Variants in GNAI1 observed in about 807,000 individuals in gnomAD.
GNAI1 encodes the protein G protein subunit alpha i1.
GNAI1 carries 11 observed loss-of-function variants against 38.9 expected under a neutral mutation model. The observed-to-expected ratio is 0.28, with a 90% CI of 0.18 to 0.47. GNAI1 has a LOEUF of 0.47. Among genes scored for constraint, GNAI1 ranks in the 20% least tolerant of loss-of-function variants. The probability of loss-of-function intolerance (pLI) is 0.99; values close to 1 mark genes in which losing one functional copy is unlikely to be tolerated. For synonymous variants in GNAI1, 166 were observed against 145.1 expected (o/e 1.14, Z -1.04); for missense variants, 317 against 436.9 (o/e 0.73, Z 2.45).
rs147129927 is a variant in GNAI1, at chr7:80,165,317, T to C, written c.119-23634T>C. Among the ~76,000 whole-genome samples, 666 of 152,300 alleles carry C rather than the reference T, an allele frequency of 4.4e-3. 5 individuals are homozygous for C. Among genetic ancestry groups the C allele is most frequent in the African/African-American group, 0.015 (628 of 41,566 alleles). On this transcript the variant is annotated intron_variant, in intron 1 of 7. Transcript: ENST00000649796. ...TCCTTTCTTGCTCAGTGACTTTGTC[T>C]TTTCACAGATCTCACTCCACAGCTA...
chr7:80,222,646 C>T lies in GNAI1; in HGVS notation c.*5153C>T, dbSNP rs1789100327. 1.3e-5 allele frequency among the ~76,000 whole-genome samples: 2 copies of T among 152,048 alleles called. No homozygotes were observed. Among genetic ancestry groups the T allele is most frequent in the Admixed American group, 1.3e-4 (2 of 15,274 alleles). On this transcript the variant is annotated 3_prime_UTR_variant, in exon 8 of 8. Transcript: ENST00000649796. ...AGGTAATCCGCCCACCTCGGCCGCC[C>T]AAAGTGCTGGGATTACAGGTGTGAG...
intron 1 of GNAI1, among the ~76,000 whole-genome samples, chr7:80,144,044 A>G (rs2116079797): frequency 6.6e-6 from 1 of 152,178 alleles, no homozygotes; most frequent in Admixed American, 6.6e-5. Context: ...AACTTCCTTG[A>G]GGGACTTGGA....
Position 80,199,235 on chromosome 7 carries a change from G to A in GNAI1, c.314G>A (p.Arg105His), listed in dbSNP as rs758691743. 1.2e-5 allele frequency: 19 copies of A among 1,609,024 alleles called. No individual in the cohort carries two copies. Among genetic ancestry groups the A allele is most frequent in the African/African-American group, 2.7e-5 (2 of 74,636 alleles). The change falls in exon 4 of 8, where the codon CGC becomes CAC. Residue 105 changes from arginine (R) to histidine (H), a missense_variant. By Grantham distance (29) the Arg-to-His change is conservative (BLOSUM62 0). This residue lies in a region of GNAI1 where 67 missense variants were observed against 61.5 expected (regional missense o/e 1.09). Transcript: ENST00000649796. ...FGDSARADDARQLFVLAGAAE... is the reference protein window; with the variant it reads ...FGDSARADDAHQLFVLAGAAE... ...CCTTTGAATGTTCAGGATGATGCAC[G>A]CCAACTCTTTGTGCTAGCTGGAGCT...
Position 80,217,299 on chromosome 7 carries a change from T to G in GNAI1, c.875-4T>G, listed in dbSNP as rs1251189620. 7 of 1,524,308 alleles carry G rather than the reference T, an allele frequency of 4.6e-6. No homozygotes were observed. In the African/African-American group the frequency reaches 8.4e-5, roughly 18 times the overall value. 94.4% of individuals were successfully genotyped at this position (1,524,308 alleles called of 1,614,324 possible). A position where few individuals can be genotyped will look rare whatever the true frequency, so the allele number is the denominator to read the frequency against. On this transcript the variant is annotated splice_region_variant and splice_polypyrimidine_tract_variant and intron_variant, in intron 7 of 7. Transcript: ENST00000649796. ...TTTATGTTTCTTTCCTTTTTCCATC[T>G]CAGGATCAAACACATATGAAGAGGC...
chr7:80,214,500 A>G (rs372676081), intron 7 of GNAI1, among the ~76,000 whole-genome samples: 21 of 152,348 alleles, frequency 1.4e-4, no homozygotes, highest in Middle Eastern at 3.4e-3. Flanking sequence ...CTTGCCAAGT[A>G]GACAGTGTGT....
intron 1 of GNAI1, among the ~76,000 whole-genome samples, chr7:80,160,298 G>C (rs1233766073): frequency 1.3e-5 from 2 of 151,754 alleles, no homozygotes; most frequent in African/African-American, 4.8e-5. Flanking sequence ...AAATTTTCTG[G>C]ACCTCATTTT....
In GNAI1 at chr7:80,220,519, G is replaced by T. The variant is rs1248593724; in HGVS notation, c.*3026G>T. Among the ~76,000 whole-genome samples, 1 of 152,164 alleles carries T rather than the reference G, an allele frequency of 6.6e-6. No homozygotes were observed. The highest frequency in any genetic ancestry group is 2.4e-5 in the African/African-American group (1 of 41,444). On this transcript the variant is annotated 3_prime_UTR_variant, in exon 8 of 8. Transcript: ENST00000649796. Reference sequence around the variant, plus strand: ...AGACCTGACCAATCCGAGTCCTCCAGCATTGGACGAGTGAGCCAATCATTG... The same window carrying T: ...AGACCTGACCAATCCGAGTCCTCCATCATTGGACGAGTGAGCCAATCATTG...
chr7:80,173,589 G>T (rs1249378991), intron 1 of GNAI1, among the ~76,000 whole-genome samples: 1 of 152,110 alleles, frequency 6.6e-6, no homozygotes, highest in Non-Finnish European at 1.5e-5. Flanking sequence ...CAATTGGTGT[G>T]GGGGACAGCA....
chr7:80,173,230 C>A (rs974072306), intron 1 of GNAI1, among the ~76,000 whole-genome samples: 1 of 152,088 alleles, frequency 6.6e-6, no homozygotes, highest in African/African-American at 2.4e-5. Flanking sequence ...GAGGTGGAAG[C>A]CATCTCATGA....
chr7:80,210,900 A>G, intron 5 of GNAI1, 69 bp from the exon 6 acceptor site: 1 of 1,328,718 alleles, frequency 7.5e-7, no homozygotes, highest in South Asian at 1.3e-5. Context: ...TTTTTTTGTT[A>G]GCATTAAAGA....
intron 5 of GNAI1, among the ~76,000 whole-genome samples, chr7:80,210,298 T>C (rs778130392): frequency 3.9e-5 from 6 of 152,214 alleles, no homozygotes; most frequent in Non-Finnish European, 7.3e-5. Flanking sequence ...TGTATAAAAA[T>C]TGAATTTTTT....
intron 1 of GNAI1, among the ~76,000 whole-genome samples, chr7:80,139,507 C>A (rs1001382207): frequency 3.3e-5 from 5 of 152,180 alleles, no homozygotes; most frequent in Admixed American, 2.0e-4. Flanking sequence ...TTCTGCCCAG[C>A]CTATTTTCCT....
intron 1 of GNAI1, among the ~76,000 whole-genome samples, chr7:80,165,228 C>T (rs1441636359): frequency 6.6e-6 from 1 of 152,156 alleles, no homozygotes; most frequent in East Asian, 1.9e-4. Flanking sequence ...CATCAATTTT[C>T]ATCTCTCAGT....
intron 1 of GNAI1, among the ~76,000 whole-genome samples, chr7:80,167,142 C>T (rs1788023374): frequency 6.6e-6 from 1 of 152,100 alleles, no homozygotes; most frequent in African/African-American, 2.4e-5. Flanking sequence ...TTGGAGTTAC[C>T]CCTTCAGCCT....
intron 1 of GNAI1, among the ~76,000 whole-genome samples, chr7:80,143,089 C>G (rs1787554022): frequency 6.6e-6 from 1 of 152,196 alleles, no homozygotes; most frequent in Admixed American, 6.5e-5. Flanking sequence ...CACCAGCAGA[C>G]TGTTCTTTAT....
chr7:80,207,830 A>C (rs879757285), intron 5 of GNAI1, among the ~76,000 whole-genome samples: 1 of 152,146 alleles, frequency 6.6e-6, no homozygotes, highest in Non-Finnish European at 1.5e-5. Flanking sequence ...TTAAGAATTC[A>C]TATTATCCCT....
Position 80,134,945 on chromosome 7 carries a change from G to A in GNAI1, c.-216G>A, listed in dbSNP as rs2116051288. ...GGACTTGGGGGCGCTGAGCCGGGCC[G>A]GGAAGCAGAGCCTGGTCGTGAGGAA... On this transcript the variant is annotated 5_prime_UTR_variant, in exon 1 of 8. Transcript: ENST00000649796. 1 of 389,550 alleles carries A rather than the reference G, an allele frequency of 2.6e-6. No homozygotes were observed. The allele number at this position is 389,550 out of a possible 1,614,324, so 24.1% of individuals were successfully genotyped here.
At chr7:80,151,272 C>T (rs757193593) in intron 1 of GNAI1, among the ~76,000 whole-genome samples, 1 of 152,022 alleles carries the variant, frequency 6.6e-6, no homozygotes, top group African/African-American at 2.4e-5. Flanking sequence ...ATCTGGATCC[C>T]TAATAAAACA....
At chr7:80,142,045 C>T (rs924200140) in intron 1 of GNAI1, among the ~76,000 whole-genome samples, 1 of 152,108 alleles carries the variant, frequency 6.6e-6, no homozygotes, top group Non-Finnish European at 1.5e-5. Context: ...TGTCATCTAC[C>T]ATGCTTCTCA....
Sources: gnomAD v4.1 joint callset for allele counts (sites outside exome capture counted in the v4.1 genomes callset) on GRCh38, gnomAD v4.1.1 for gene constraint, gnomAD v4.1.1 regional missense constraint, MANE v1.5 for transcripts, NCBI Gene and HGNC (gene_info 2026-07-23, HGNC 2026-07-21) for gene names.